The following PARD3 variants were observed in gnomAD, a reference collection of about 807,000 sequenced individuals.
PARD3 encodes the protein partitioning defective 3 homolog.
Under a neutral mutation model 155.4 loss-of-function variants are expected in PARD3, and 75 were observed. The observed-to-expected ratio is 0.48, with a 90% confidence interval of 0.40 to 0.58. The LOEUF (loss-of-function observed/expected upper bound fraction) is 0.58. Ranked by LOEUF, PARD3 falls within the 20% of genes least tolerant of loss-of-function variation. The probability of loss-of-function intolerance (pLI) is 0.00; values close to 1 mark genes in which losing one functional copy is unlikely to be tolerated. For missense variants in PARD3, 1,642 were observed against 1,721.7 expected, an observed-to-expected ratio of 0.95 and a Z score of 0.82; for synonymous variants, 576 against 610.5, an observed-to-expected ratio of 0.94 and a Z score of 0.83.
chr10:34,685,703 C>T (rs2093945387), intron 2 of PARD3, among the ~76,000 whole-genome samples: 1 of 151,844 alleles, frequency 6.6e-6, no homozygotes, highest in Non-Finnish European at 1.5e-5. Flanking sequence ...ACACGATTCT[C>T]ATGCCTCAGC....
At chr10:34,334,131 A>C (rs1004025058) in intron 18 of PARD3, among the ~76,000 whole-genome samples, 8 of 151,854 alleles carry the variant, frequency 5.3e-5, no homozygotes, top group Admixed American at 3.3e-4. Flanking sequence ...TTAGGTCATT[A>C]GCATACTTTG....
intron 15 of PARD3, among the ~76,000 whole-genome samples, chr10:34,342,768 T>C (rs1836970202): frequency 6.6e-6 from 1 of 152,178 alleles, no homozygotes; most frequent in Non-Finnish European, 1.5e-5. Flanking sequence ...CTTTTCAGGA[T>C]AACCCACAAA....
chr10:34,622,926 C>A (rs1342994188), intron 2 of PARD3, among the ~76,000 whole-genome samples: 1 of 145,570 alleles, frequency 6.9e-6, no homozygotes, highest in Non-Finnish European at 1.5e-5. Flanking sequence ...TAAAGTGGGT[C>A]TTTTCAGGAC....
At chr10:34,573,051 A>C (rs1185262230) in intron 2 of PARD3, among the ~76,000 whole-genome samples, 1 of 152,178 alleles carries the variant, frequency 6.6e-6, no homozygotes, top group East Asian at 1.9e-4. Flanking sequence ...ATCTGTACTT[A>C]ATATCAAGAA....
At chr10:34,584,044 G>T (rs952243693) in intron 2 of PARD3, among the ~76,000 whole-genome samples, 2 of 152,194 alleles carry the variant, frequency 1.3e-5, no homozygotes, top group East Asian at 3.9e-4. Flanking sequence ...TAGATTATAC[G>T]TGATACACAA....
intron 1 of PARD3, among the ~76,000 whole-genome samples, chr10:34,762,469 CTTT>C (rs72049773): frequency 1.5e-4 from 15 of 98,658 alleles, no homozygotes; most frequent in African/African-American, 1.9e-4. Context: ...CCATGCCTGA[CTTT>C]TTTTTTTTTT....
chr10:34,366,234 G>A (rs1419523915), intron 12 of PARD3, among the ~76,000 whole-genome samples: 1 of 152,098 alleles, frequency 6.6e-6, no homozygotes, highest in African/African-American at 2.4e-5. Flanking sequence ...TTCACTTTCA[G>A]TACGGTATCC....
At chr10:34,119,974 T>C (rs1214490442) in intron 23 of PARD3, among the ~76,000 whole-genome samples, 1 of 151,214 alleles carries the variant, frequency 6.6e-6, no homozygotes, top group East Asian at 1.9e-4. Context: ...TGGTTTAAAT[T>C]GAAGAGATCA....
At chr10:34,644,227 G>A (rs2092766074) in intron 2 of PARD3, among the ~76,000 whole-genome samples, 1 of 152,182 alleles carries the variant, frequency 6.6e-6, no homozygotes, top group Non-Finnish European at 1.5e-5. Context: ...GCCTAAGACT[G>A]CAGCCCAGGG....
chr10:34,483,482 CAAAA>C (rs35352038), intron 3 of PARD3, among the ~76,000 whole-genome samples: 12 of 50,410 alleles, frequency 2.4e-4, no homozygotes, highest in Admixed American at 2.3e-3. Flanking sequence ...ACTCTGTCAC[CAAAA>C]AAAAAAAAAA....
chr10:34,708,604 A>G (rs563563100), intron 1 of PARD3, among the ~76,000 whole-genome samples: 2 of 152,346 alleles, frequency 1.3e-5, no homozygotes, highest in South Asian at 4.1e-4. Flanking sequence ...AGATAGAAAA[A>G]CAACGTAGCA....
At chr10:34,398,251 C>G (rs1192446884) in intron 7 of PARD3, among the ~76,000 whole-genome samples, 1 of 152,024 alleles carries the variant, frequency 6.6e-6, no homozygotes, top group Non-Finnish European at 1.5e-5. Flanking sequence ...TTACAAGTAA[C>G]AAGAAAGTAC....
intron 3 of PARD3, among the ~76,000 whole-genome samples, chr10:34,476,341 C>T (rs1285593083): frequency 1.3e-5 from 2 of 152,088 alleles, no homozygotes; most frequent in African/African-American, 4.8e-5. Context: ...TTGGTGCCAC[C>T]GTCTTGATTT....
intron 2 of PARD3, among the ~76,000 whole-genome samples, chr10:34,614,366 C>G (rs182533289): frequency 7.3e-5 from 11 of 151,632 alleles, no homozygotes; most frequent in Admixed American, 2.6e-4. Context: ...AATGAGTAGT[C>G]AGAAGATTAA....
chr10:34,220,451 C>T (rs1952220092), intron 22 of PARD3, among the ~76,000 whole-genome samples: 1 of 152,188 alleles, frequency 6.6e-6, no homozygotes, highest in Admixed American at 6.5e-5. Flanking sequence ...CCTGGTGCCT[C>T]ACACCCCAGA....
intron 3 of PARD3, among the ~76,000 whole-genome samples, chr10:34,482,247 C>T (rs1338931355): frequency 6.6e-6 from 1 of 151,624 alleles, no homozygotes; most frequent in East Asian, 1.9e-4. Context: ...GTTGTCTAAG[C>T]TGGTCTTGAA....
intron 1 of PARD3, among the ~76,000 whole-genome samples, chr10:34,723,064 C>T (rs969074432): frequency 5.9e-5 from 9 of 152,058 alleles, no homozygotes; most frequent in African/African-American, 1.7e-4. Flanking sequence ...TATATATTGG[C>T]CAGGCACGGT....
chr10:34,230,156 G>C (rs1388881454), intron 22 of PARD3, among the ~76,000 whole-genome samples: 1 of 152,058 alleles, frequency 6.6e-6, no homozygotes, highest in Non-Finnish European at 1.5e-5. Context: ...AATACATTGA[G>C]CAACCACAAA....
chr10:34,361,037 A>G (rs1013025457), intron 12 of PARD3, among the ~76,000 whole-genome samples: 1 of 152,374 alleles, frequency 6.6e-6, no homozygotes, highest in Non-Finnish European at 1.5e-5. Flanking sequence ...AGAACTGAAT[A>G]AAATGCATTA....
Sources: gnomAD v4.1 joint callset for allele counts (sites outside exome capture counted in the v4.1 genomes callset) on GRCh38, gnomAD v4.1.1 for gene constraint, MANE v1.5 for transcripts, NCBI Gene and HGNC (gene_info 2026-07-23, HGNC 2026-07-21) for gene names.